Variants in GIPC2 observed in about 807,000 individuals in gnomAD.
GIPC2 encodes PDZ domain-containing protein GIPC2.
A neutral mutation model predicts 30.6 loss-of-function variants in GIPC2; 30 were observed. The ratio of observed to expected loss-of-function variants is 0.98; its 90% CI spans 0.73 to 1.33. The LOEUF is 1.33. Among genes scored for constraint, GIPC2 ranks in the 40% most tolerant of loss-of-function variants. GIPC2 has a pLI of 0.00. For synonymous variants in GIPC2, 167 were observed against 150.0 expected, an observed-to-expected ratio of 1.11 and a Z score of -0.83; for missense variants, 414 against 390.3, an observed-to-expected ratio of 1.06 and a Z score of -0.51.
At chr1:78,095,330 T>A (rs962301127) in intron 3 of GIPC2, among the ~76,000 whole-genome samples, 198 bp downstream of exon 3, 5 of 152,148 alleles carry the variant, frequency 3.3e-5, no homozygotes, top group African/African-American at 1.2e-4. Flanking sequence ...AGAAAATTAT[T>A]GCCTTGTAAA....
chr1:78,096,718 A>C (rs1662143043), intron 3 of GIPC2, among the ~76,000 whole-genome samples: 1 of 152,206 alleles, frequency 6.6e-6, no homozygotes, highest in Admixed American at 6.5e-5. Flanking sequence ...ACTACTATTG[A>C]ACCGGCTGTT....
intron 2 of GIPC2, among the ~76,000 whole-genome samples, chr1:78,089,827 C>A (rs1662004157): frequency 6.6e-6 from 1 of 152,176 alleles, no homozygotes; most frequent in East Asian, 1.9e-4. Flanking sequence ...CTGTAAAGGG[C>A]AGATGGTAAA....
intron 3 of GIPC2, among the ~76,000 whole-genome samples, chr1:78,096,834 AAC>A (rs1285961733): frequency 1.3e-5 from 2 of 152,218 alleles, no homozygotes; most frequent in Non-Finnish European, 2.9e-5. Context: ...TGTTGGTTAG[AAC>A]ATCCAGAGAT....
chr1:78,102,670 T>A (rs1316562540), intron 3 of GIPC2, among the ~76,000 whole-genome samples: 3 of 152,226 alleles, frequency 2.0e-5, no homozygotes, highest in African/African-American at 7.2e-5. Flanking sequence ...ATACAAAATG[T>A]GAAGATGTGT....
chr1:78,052,532 A>T (rs1661215586), intron 1 of GIPC2, among the ~76,000 whole-genome samples: 1 of 152,054 alleles, frequency 6.6e-6, no homozygotes, highest in Admixed American at 6.6e-5. Context: ...GTAGGTGTTA[A>T]TTTTTTTTAT....
In GIPC2 at chr1:78,134,485, C is replaced by T. The variant is rs1473022980; in HGVS notation, c.797-1107C>T. ...CCTCACCACATCTGTACTCTCCCAC[C>T]CCATGCCAGGCTGCCTGGCCATATA... On this transcript the variant is annotated intron_variant, in intron 5 of 5. Coordinates refer to ENST00000370759, the MANE Select transcript of GIPC2 (RefSeq NM_017655.6). Among the ~76,000 whole-genome samples the T allele has an allele frequency of 3.3e-5, 5 of 152,042 alleles. No homozygotes were observed. In the East Asian group the frequency reaches 9.7e-4, roughly 29 times the overall value.
At chr1:78,067,603 C>T (rs181337894) in intron 1 of GIPC2, among the ~76,000 whole-genome samples, 20 of 152,200 alleles carry the variant, frequency 1.3e-4, no homozygotes, top group East Asian at 3.9e-4. Flanking sequence ...CAGGTGCCCA[C>T]GACCATGCCC....
chr1:78,048,431 CT>C (rs35430445), intron 1 of GIPC2, among the ~76,000 whole-genome samples: 6 of 144,922 alleles, frequency 4.1e-5, no homozygotes, highest in Non-Finnish European at 6.1e-5. Context: ...TTTTTCTTTT[CT>C]TTTTTTTTTA....
In GIPC2 at chr1:78,095,060, G is replaced by A. The variant is rs745392130; in HGVS notation, c.535G>A (p.Ala179Thr). Residue 179 changes from alanine (A) to threonine (T), a missense_variant, in exon 3 of 6, where the codon GCT becomes ACT. Transcript: ENST00000370759. Reference protein sequence around the residue: ...NIVGWRHYDVAKKLKELKKEE... With the variant: ...NIVGWRHYDVTKKLKELKKEE... ...TGTTGGGTGGCGTCACTATGATGTTGCTAAGAAGTTAAAGGAATTAAAAAA... is the reference window on the plus strand; with the variant it reads ...TGTTGGGTGGCGTCACTATGATGTTACTAAGAAGTTAAAGGAATTAAAAAA... 1.2e-6 allele frequency: 2 copies of A among 1,609,580 alleles called. No individual in the cohort carries two copies. Among genetic ancestry groups the A allele is most frequent in the Non-Finnish European group, 1.7e-6 (2 of 1,176,056 alleles).
At chr1:78,115,978 T>C (rs1662560242) in intron 3 of GIPC2, among the ~76,000 whole-genome samples, 1 of 152,234 alleles carries the variant, frequency 6.6e-6, no homozygotes, top group African/African-American at 2.4e-5. Flanking sequence ...TCCTGGTTTA[T>C]TAGTCTGTTC....
chr1:78,066,913 A>G (rs1661523479), intron 1 of GIPC2, among the ~76,000 whole-genome samples: 1 of 152,164 alleles, frequency 6.6e-6, no homozygotes, highest in Admixed American at 6.5e-5. Flanking sequence ...GGAGAAGATC[A>G]GGGAGAATAA....
chr1:78,064,851 C>T (rs1179167672), intron 1 of GIPC2, among the ~76,000 whole-genome samples: 1 of 148,852 alleles, frequency 6.7e-6, no homozygotes, highest in Admixed American at 6.8e-5. Flanking sequence ...TAAAGCGATT[C>T]TCTTGCCTCA....
At chr1:78,115,483 A>G (rs1036048412) in intron 3 of GIPC2, among the ~76,000 whole-genome samples, 2 of 152,208 alleles carry the variant, frequency 1.3e-5, no homozygotes, top group Non-Finnish European at 2.9e-5. Flanking sequence ...TCACCACTTT[A>G]GGGATATACA....
intron 3 of GIPC2, among the ~76,000 whole-genome samples, chr1:78,111,207 GT>G (rs1179346855): frequency 6.6e-6 from 1 of 152,178 alleles, no homozygotes; most frequent in Admixed American, 6.5e-5. Context: ...GATATGGATG[GT>G]CACTTGCCCA....
intron 1 of GIPC2, among the ~76,000 whole-genome samples, chr1:78,063,593 A>T (rs1449618615): frequency 2.0e-5 from 3 of 146,752 alleles, no homozygotes; most frequent in Non-Finnish European, 4.5e-5. Flanking sequence ...TAAGAATAAG[A>T]TGAGATTCAG....
At chr1:78,045,101 T>A (rs1462520777), upstream of GIPC2, 43 of 976,928 alleles carry the variant, frequency 4.4e-5, no homozygotes, top group Non-Finnish European at 5.0e-5. Context: ...CCAAGTAAGA[T>A]AAAAACCTAA....
intron 4 of GIPC2, among the ~76,000 whole-genome samples, chr1:78,120,165 A>T (rs1662652115): frequency 6.6e-6 from 1 of 152,240 alleles, no homozygotes; most frequent in Non-Finnish European, 1.5e-5. Flanking sequence ...GTGGCTTCCC[A>T]TGACACTCAG....
chr1:78,119,448 A>C lies in GIPC2; in HGVS notation c.663A>C (p.Gly221=), dbSNP rs757428096. 1 of 1,613,404 alleles carries C rather than the reference A, an allele frequency of 6.2e-7. No homozygotes were observed. Among genetic ancestry groups the C allele is most frequent in the Non-Finnish European group, 8.5e-7 (1 of 1,179,408 alleles). ...CATCAGGAGAAAAAATTGGTTGTGG[A>C]AGGGCAACACTTCGCCTGAGATCAA... The part of the protein sequence containing the change: ...GKSSGEKIGC[G]RATLRLRSKG... The change falls in exon 4 of 6, where the codon GGA becomes GGC. Residue 221 remains glycine, a synonymous_variant. Transcript: ENST00000370759.
chr1:78,074,927 A>T (rs371424998), intron 1 of GIPC2, among the ~76,000 whole-genome samples: 1 of 152,206 alleles, frequency 6.6e-6, no homozygotes. Context: ...AGGCAGAAAG[A>T]ACTTTTAAAC....
Sources: gnomAD v4.1 joint callset for allele counts (sites outside exome capture counted in the v4.1 genomes callset) on GRCh38, gnomAD v4.1.1 for gene constraint, MANE v1.5 for transcripts, NCBI Gene and HGNC (gene_info 2026-07-23, HGNC 2026-07-21) for gene names.